CAMK2D: variants seen among roughly 807,000 people sequenced by gnomAD.
The protein encoded by CAMK2D is calcium/calmodulin-dependent protein kinase type II subunit delta.
A neutral mutation model predicts 84.0 loss-of-function variants in CAMK2D; 37 were observed. The ratio of observed to expected loss-of-function variants is 0.44; its 90% CI spans 0.34 to 0.58. The LOEUF (loss-of-function observed/expected upper bound fraction) is 0.58, where lower values mean the gene tolerates loss of function less well. CAMK2D is among the 20% of genes least tolerant of loss of function. The probability of loss-of-function intolerance (pLI) is 0.02; values close to 1 mark genes in which losing one functional copy is unlikely to be tolerated. For missense variants in CAMK2D, 448 were observed against 652.5 expected (o/e 0.69, Z 3.41); for synonymous variants, 202 against 212.5 (o/e 0.95, Z 0.43).
chr4:113,654,414 C>A (rs2099189551), intron 3 of CAMK2D, among the ~76,000 whole-genome samples: 1 of 151,960 alleles, frequency 6.6e-6, no homozygotes, highest in Admixed American at 6.6e-5. Context: ...TTAAGCAGAG[C>A]ATCTTTCTTA....
intron 16 of CAMK2D, among the ~76,000 whole-genome samples, chr4:113,482,161 AGACTG>A (rs1244485895): frequency 1.3e-5 from 2 of 152,216 alleles, no homozygotes; most frequent in African/African-American, 4.8e-5. Context: ...TGTTGAGAAT[AGACTG>A]TAAGCAGAAG....
At chr4:113,655,156 C>A (rs2099193316) in intron 3 of CAMK2D, among the ~76,000 whole-genome samples, 1 of 151,994 alleles carries the variant, frequency 6.6e-6, no homozygotes, top group Non-Finnish European at 1.5e-5. Flanking sequence ...CTCTGCTTTA[C>A]AAAGAGAGGA....
intron 4 of CAMK2D, among the ~76,000 whole-genome samples, chr4:113,572,661 G>C (rs937781342): frequency 3.9e-5 from 6 of 152,162 alleles, no homozygotes; most frequent in Admixed American, 1.3e-4. Flanking sequence ...GGGAGAAAGA[G>C]AAACCCTTAT....
chr4:113,646,773 T>TA (rs2099153681), intron 3 of CAMK2D, among the ~76,000 whole-genome samples: 1 of 152,202 alleles, frequency 6.6e-6, no homozygotes, highest in Non-Finnish European at 1.5e-5. Flanking sequence ...ATCCCCTCGT[T>TA]CTCTGAGTGC....
chr4:113,580,445 A>C (rs1396620593), intron 4 of CAMK2D, among the ~76,000 whole-genome samples: 1 of 152,208 alleles, frequency 6.6e-6, no homozygotes, highest in Non-Finnish European at 1.5e-5. Context: ...TGATTCAGTA[A>C]GATGTACCAC....
At chr4:113,721,591 TC>T (rs1208973668) in intron 2 of CAMK2D, among the ~76,000 whole-genome samples, 1 of 152,210 alleles carries the variant, frequency 6.6e-6, no homozygotes, top group Non-Finnish European at 1.5e-5. Flanking sequence ...CACTTGGGAC[TC>T]CATGGTTGGT....
At chr4:113,612,495 T>G (rs2099004546) in intron 3 of CAMK2D, among the ~76,000 whole-genome samples, 1 of 152,224 alleles carries the variant, frequency 6.6e-6, no homozygotes, top group Admixed American at 6.5e-5. Context: ...TTGACAGCAC[T>G]GCAGATGCTG....
rs975294241 is a variant in CAMK2D at position 113,718,516 on chromosome 4, G to C, written c.160+40804C>G. On this transcript the variant is annotated intron_variant, in intron 2 of 20. Transcript: ENST00000511664. ...TTTACAATAGTGATGTTATCACCAG[G>C]AGCAATTTGGGAAGGTTTAGAATCT... is the stretch of plus-strand genomic sequence containing the variant. Among the ~76,000 whole-genome samples the C allele has an allele frequency of 2.5e-4, 38 of 152,260 alleles. 1 individual carries two copies. Among genetic ancestry groups the C allele is most frequent in the African/African-American group, 8.7e-4 (36 of 41,540 alleles).
intron 4 of CAMK2D, among the ~76,000 whole-genome samples, chr4:113,575,420 A>C (rs2098775927): frequency 6.6e-6 from 1 of 152,220 alleles, no homozygotes; most frequent in African/African-American, 2.4e-5. Flanking sequence ...TGATGGCTAC[A>C]ACAAAATATA....
intron 9 of CAMK2D, among the ~76,000 whole-genome samples, chr4:113,516,947 C>G (rs2098292873): frequency 6.6e-6 from 1 of 151,832 alleles, no homozygotes; most frequent in African/African-American, 2.4e-5. Context: ...GTAGATAAAG[C>G]CTTCCTCTTC....
At chr4:113,649,051 C>A (rs2099162665) in intron 3 of CAMK2D, among the ~76,000 whole-genome samples, 1 of 152,176 alleles carries the variant, frequency 6.6e-6, no homozygotes, top group South Asian at 2.1e-4. Context: ...TCAAAGAAAC[C>A]TCTTAGCCCA....
intron 2 of CAMK2D, among the ~76,000 whole-genome samples, chr4:113,680,961 T>C (rs1489971293): frequency 6.6e-6 from 1 of 152,190 alleles, no homozygotes; most frequent in Non-Finnish European, 1.5e-5. Context: ...TTCCCCTAAA[T>C]TAGGAGTCAG....
At chr4:113,550,146 G>A (rs1244657776) in intron 5 of CAMK2D, among the ~76,000 whole-genome samples, 1 of 152,026 alleles carries the variant, frequency 6.6e-6, no homozygotes, top group African/African-American at 2.4e-5. Context: ...TTAAATTTTT[G>A]AGAACTAGTA....
chr4:113,562,822 A>G (rs2098704380), intron 4 of CAMK2D, among the ~76,000 whole-genome samples: 1 of 152,240 alleles, frequency 6.6e-6, no homozygotes, highest in Non-Finnish European at 1.5e-5. Context: ...TTTAAAGAAG[A>G]TTATTAGGTT....
intron 2 of CAMK2D, among the ~76,000 whole-genome samples, chr4:113,706,741 C>T (rs1561950544): frequency 6.6e-6 from 1 of 152,050 alleles, no homozygotes; most frequent in Non-Finnish European, 1.5e-5. Flanking sequence ...AAAGAAATAA[C>T]TTTGGTGGAT....
intron 6 of CAMK2D, 100 bp downstream of exon 6, chr4:113,547,544 C>A: frequency 1.6e-6 from 1 of 630,960 alleles, no homozygotes; most frequent in South Asian, 2.2e-5. Flanking sequence ...TAAGTCCACA[C>A]AACTTTATTG....
intron 6 of CAMK2D, among the ~76,000 whole-genome samples, chr4:113,540,091 G>A (rs2098520249): frequency 1.3e-5 from 2 of 152,044 alleles, no homozygotes; most frequent in African/African-American, 4.8e-5. Flanking sequence ...GTGATTGTGT[G>A]GGAGGCTTAA....
chr4:113,747,742 C>A (rs571464303), intron 2 of CAMK2D, among the ~76,000 whole-genome samples: 3 of 152,056 alleles, frequency 2.0e-5, no homozygotes, highest in African/African-American at 7.2e-5. Flanking sequence ...TTAATTATTC[C>A]TCTCTTATCA....
At chr4:113,606,741 C>T (rs1305295208) in intron 4 of CAMK2D, among the ~76,000 whole-genome samples, 1 of 152,030 alleles carries the variant, frequency 6.6e-6, no homozygotes, top group African/African-American at 2.4e-5. Context: ...AAAAGTTTCC[C>T]AGGTTTGCCA....
Sources: allele counts gnomAD v4.1 joint callset (sites outside exome capture counted in the v4.1 genomes callset), GRCh38; gene constraint gnomAD v4.1.1; transcripts MANE v1.5; gene names NCBI Gene and HGNC (gene_info 2026-07-23, HGNC 2026-07-21).